GRM5: variants seen among roughly 807,000 people sequenced by gnomAD.
GRM5 encodes metabotropic glutamate receptor 5.
Under a neutral mutation model 83.1 loss-of-function variants are expected in GRM5, and 19 were observed. The ratio of observed to expected loss-of-function variants is 0.23; its 90% CI spans 0.16 to 0.34. GRM5 has a LOEUF of 0.34. Ranked by LOEUF, GRM5 falls within the 10% of genes least tolerant of loss-of-function variation. The probability of loss-of-function intolerance (pLI) is 1.00; values close to 1 mark genes in which losing one functional copy is unlikely to be tolerated. For synonymous variants in GRM5, 675 were observed against 633.6 expected, an observed-to-expected ratio of 1.07 and a Z score of -0.98; for missense variants, 1,160 against 1,588.3, an observed-to-expected ratio of 0.73 and a Z score of 4.58.
At position 88,569,999 on chromosome 11, in the gene GRM5, T is replaced by C. The variant is rs562195888; in HGVS notation, c.1691-2007A>G. Among the ~76,000 whole-genome samples, 3 of 151,608 alleles carry C rather than the reference T, an allele frequency of 2.0e-5. No individual in the cohort carries two copies. The East Asian group carries it at 5.8e-4, about 29-fold the overall frequency. The stretch of plus-strand genomic sequence containing the variant: ...CAAAATATGCCTAAGGGTAGCTTCG[T>C]TGTAGAAAGGGAAGGGAAGAAGGGA... On this transcript the variant is annotated intron_variant, in intron 7 of 9. Transcript: ENST00000305447.
chr11:88,645,956 A>C (rs1166076565), intron 4 of GRM5, among the ~76,000 whole-genome samples: 1 of 152,138 alleles, frequency 6.6e-6, no homozygotes, highest in East Asian at 1.9e-4. Flanking sequence ...ATTTACTTCA[A>C]CTGGGGATAT....
At chr11:88,557,043 C>G (rs377100175) in intron 8 of GRM5, among the ~76,000 whole-genome samples, 10 of 152,120 alleles carry the variant, frequency 6.6e-5, no homozygotes, top group African/African-American at 2.2e-4. Flanking sequence ...GAAAATAAAT[C>G]CACCAGTAAA....
At chr11:88,974,987 A>C (rs1366851676) in intron 2 of GRM5, among the ~76,000 whole-genome samples, 1 of 152,216 alleles carries the variant, frequency 6.6e-6, no homozygotes, top group Non-Finnish European at 1.5e-5. Flanking sequence ...GAGAAGACTT[A>C]TCATGTAAAA....
chr11:88,608,090 A>G (rs982876940), intron 4 of GRM5, among the ~76,000 whole-genome samples: 1 of 152,166 alleles, frequency 6.6e-6, no homozygotes, highest in Non-Finnish European at 1.5e-5. Context: ...CATGCAATTG[A>G]GACTCCATCC....
Position 88,788,867 on chromosome 11 carries a change from CGT to C in GRM5, c.911+61037_911+61038del, listed in dbSNP as rs201061300. Among the ~76,000 whole-genome samples, 483 of 152,158 alleles carry C rather than the reference CGT, an allele frequency of 3.2e-3. 6 individuals carry two copies. The highest frequency in any genetic ancestry group is 0.011 in the African/African-American group (465 of 41,516). On this transcript the variant is annotated intron_variant, in intron 3 of 9. Transcript: ENST00000305447. ...ATAAAACTTTTCATAGGCAAGAAAA[CGT>C]GTGAAATCCTAGGTGAAGGATGAAC...
intron 2 of GRM5, among the ~76,000 whole-genome samples, chr11:89,014,193 CCTTTT>C (rs1398773623): frequency 1.3e-5 from 2 of 152,166 alleles, no homozygotes; most frequent in South Asian, 2.1e-4. Flanking sequence ...AGGTATCTTC[CCTTTT>C]CTTTTCACAA....
chr11:89,000,475 T>C (rs1940342256), intron 2 of GRM5, among the ~76,000 whole-genome samples: 1 of 152,162 alleles, frequency 6.6e-6, no homozygotes, highest in African/African-American at 2.4e-5. Context: ...GCCTTTTTAA[T>C]AAGTGATATT....
At chr11:88,966,480 C>T (rs189595536) in intron 2 of GRM5, among the ~76,000 whole-genome samples, 1 of 152,092 alleles carries the variant, frequency 6.6e-6, no homozygotes, top group Non-Finnish European at 1.5e-5. Context: ...GACATAAATA[C>T]CAATATCAGG....
intron 3 of GRM5, among the ~76,000 whole-genome samples, chr11:88,715,991 G>T (rs1447984298): frequency 6.6e-6 from 1 of 151,966 alleles, no homozygotes; most frequent in Non-Finnish European, 1.5e-5. Flanking sequence ...ATGCAAGCTA[G>T]AATCCCTTCC....
chr11:88,887,782 T>G lies in GRM5; in HGVS notation c.662-37627A>C, dbSNP rs117791251. On this transcript the variant is annotated intron_variant, in intron 2 of 9. Transcript: ENST00000305447. ...GTGCATTCTGAAGCACAGGGACTCC[T>G]CTTAACCAGAGACTTTAAAGAAAAA... is the stretch of plus-strand genomic sequence containing the variant. Among the ~76,000 whole-genome samples the G allele has an allele frequency of 5.7e-3, 863 of 152,306 alleles. 4 individuals carry two copies. The highest frequency in any genetic ancestry group is 8.6e-3 in the Non-Finnish European group (588 of 68,018).
At chr11:88,880,918 T>C (rs1944941095) in intron 2 of GRM5, among the ~76,000 whole-genome samples, 1 of 152,142 alleles carries the variant, frequency 6.6e-6, no homozygotes, top group African/African-American at 2.4e-5. Context: ...TTGCAATACC[T>C]ATCTTATAGA....
chr11:88,941,960 T>C (rs1938129280), intron 2 of GRM5, among the ~76,000 whole-genome samples: 1 of 151,932 alleles, frequency 6.6e-6, no homozygotes, highest in African/African-American at 2.4e-5. Context: ...ACAAAAAAAT[T>C]CACATGAGGA....
chr11:89,043,623 GA>G (rs1941581318), intron 2 of GRM5, among the ~76,000 whole-genome samples: 1 of 151,394 alleles, frequency 6.6e-6, no homozygotes, highest in Non-Finnish European at 1.5e-5. Context: ...TGATTTGGGA[GA>G]AGGGAAGTTA....
chr11:88,986,965 A>C (rs1161889334), intron 2 of GRM5, among the ~76,000 whole-genome samples: 2 of 151,814 alleles, frequency 1.3e-5, no homozygotes, highest in African/African-American at 2.4e-5. Flanking sequence ...AGGTGGGTGG[A>C]TCAAGAGGTC....
At chr11:88,550,779 T>C (rs180902988) in intron 8 of GRM5, among the ~76,000 whole-genome samples, 1 of 152,326 alleles carries the variant, frequency 6.6e-6, no homozygotes, top group East Asian at 1.9e-4. Context: ...CCCAAATGTC[T>C]TTCTCAATAC....
intron 4 of GRM5, among the ~76,000 whole-genome samples, chr11:88,650,409 A>G (rs1939599709): frequency 6.6e-6 from 1 of 151,974 alleles, no homozygotes; most frequent in Non-Finnish European, 1.5e-5. Flanking sequence ...AACAGACACA[A>G]AAGAGGATAC....
At chr11:88,934,966 C>T (rs1467086098) in intron 2 of GRM5, among the ~76,000 whole-genome samples, 1 of 151,858 alleles carries the variant, frequency 6.6e-6, no homozygotes, top group Non-Finnish European at 1.5e-5. Flanking sequence ...AAATTAATAC[C>T]TGTCAATTGC....
At chr11:89,055,893 T>A (rs1941864384) in intron 1 of GRM5, among the ~76,000 whole-genome samples, 1 of 151,574 alleles carries the variant, frequency 6.6e-6, no homozygotes, top group Non-Finnish European at 1.5e-5. Flanking sequence ...GTAAAATAAG[T>A]TATGTATGCA....
At chr11:89,026,409 G>T (rs1409197201) in intron 2 of GRM5, among the ~76,000 whole-genome samples, 1 of 152,266 alleles carries the variant, frequency 6.6e-6, no homozygotes, top group East Asian at 1.9e-4. Context: ...GAGGGTCAGG[G>T]TTTCATATAG....
Sources: gnomAD v4.1 joint callset for allele counts (sites outside exome capture counted in the v4.1 genomes callset) on GRCh38, gnomAD v4.1.1 for gene constraint, MANE v1.5 for transcripts, NCBI Gene and HGNC (gene_info 2026-07-23, HGNC 2026-07-21) for gene names.